The following NOX4 variants were observed in gnomAD, a reference collection of about 807,000 sequenced individuals.
NOX4 encodes kidney oxidase-1.
A neutral mutation model predicts 87.6 loss-of-function variants in NOX4; 69 were observed. The observed-to-expected ratio is 0.79, with a 90% CI of 0.65 to 0.96. The LOEUF (loss-of-function observed/expected upper bound fraction) is 0.96, where lower values mean the gene tolerates loss of function less well. NOX4 is among the 40% of genes least tolerant of loss of function. The pLI, the probability that NOX4 is intolerant of heterozygous loss-of-function variation, is 0.00. For synonymous variants in NOX4, 275 were observed against 238.2 expected (o/e 1.15, Z -1.42); for missense variants, 680 against 681.5 (o/e 1.00, Z 0.02).
At chr11:89,423,645 T>C (rs1015145217) in intron 7 of NOX4, among the ~76,000 whole-genome samples, 2 of 152,114 alleles carry the variant, frequency 1.3e-5, no homozygotes, top group Admixed American at 1.3e-4. Flanking sequence ...TTTTGAAATA[T>C]GTACTTGGAT....
At chr11:89,476,896 A>AT (rs1461467016) in intron 2 of NOX4, among the ~76,000 whole-genome samples, 1 of 152,224 alleles carries the variant, frequency 6.6e-6, no homozygotes. Context: ...ATCCAATGCC[A>AT]TTTTTGTGAA....
chr11:89,367,954 A>G (rs186677127), intron 12 of NOX4, among the ~76,000 whole-genome samples: 1 of 152,042 alleles, frequency 6.6e-6, no homozygotes, highest in South Asian at 2.1e-4. Flanking sequence ...AGTTCTATAT[A>G]TCTCTAACAC....
At chr11:89,427,313 C>A (rs185984988) in intron 7 of NOX4, among the ~76,000 whole-genome samples, 1 of 152,084 alleles carries the variant, frequency 6.6e-6, no homozygotes, top group African/African-American at 2.4e-5. Flanking sequence ...AAAATCAGAG[C>A]GCCTCTCCCC....
At chr11:89,582,534 TG>T in the NOX4 span, among the ~76,000 whole-genome samples, 13 of 152,090 alleles carry the variant, frequency 8.5e-5, no homozygotes, top group African/African-American at 2.9e-4. Context: ...CCACAAAACT[TG>T]TCTTTGAACT....
intron 17 of NOX4, among the ~76,000 whole-genome samples, chr11:89,334,400 A>G (rs1945610991): frequency 6.6e-6 from 1 of 151,774 alleles, no homozygotes; most frequent in Non-Finnish European, 1.5e-5. Flanking sequence ...CATCAAGGGA[A>G]GGGTAATACT....
chr11:89,491,140 A>G, intron 1 of NOX4, 50 bp downstream of exon 1: 10 of 1,563,352 alleles, frequency 6.4e-6, no homozygotes, highest in Non-Finnish European at 8.8e-6. Context: ...ATGAATCAAA[A>G]TCACTGCAGG....
intron 4 of NOX4, among the ~76,000 whole-genome samples, chr11:89,446,074 C>T (rs1030335981): frequency 6.6e-6 from 1 of 152,028 alleles, no homozygotes; most frequent in Admixed American, 6.6e-5. Context: ...AGATACCTCA[C>T]CAAAGAAGAT....
At chr11:89,525,383 G>C in the NOX4 span, among the ~76,000 whole-genome samples, 1 of 151,784 alleles carries the variant, frequency 6.6e-6, no homozygotes, top group African/African-American at 2.4e-5. Context: ...TCAATATTTG[G>C]TATTATTATT....
intron 8 of NOX4, among the ~76,000 whole-genome samples, chr11:89,414,912 C>G (rs1206650287): frequency 6.6e-6 from 1 of 151,700 alleles, no homozygotes; most frequent in Non-Finnish European, 1.5e-5. Context: ...TAGATTTTTA[C>G]AATACATAAA....
At chr11:89,547,680 T>G in the NOX4 span, among the ~76,000 whole-genome samples, 7 of 152,118 alleles carry the variant, frequency 4.6e-5, no homozygotes, top group Non-Finnish European at 1.5e-5. Context: ...CACAGTAGAA[T>G]CAATTGAGCA....
chr11:89,432,388 T>G (rs1358539983), intron 7 of NOX4, among the ~76,000 whole-genome samples: 1 of 151,844 alleles, frequency 6.6e-6, no homozygotes, highest in Non-Finnish European at 1.5e-5. Context: ...ATCACAATGT[T>G]AAATCTTAAA....
chr11:89,358,861 G>A (rs1473315311), intron 12 of NOX4, among the ~76,000 whole-genome samples: 1 of 151,830 alleles, frequency 6.6e-6, no homozygotes, highest in Non-Finnish European at 1.5e-5. Context: ...TTAAGAAAAT[G>A]GCACAGTTAT....
chr11:89,567,773 A>C, the NOX4 span, among the ~76,000 whole-genome samples: 4 of 152,298 alleles, frequency 2.6e-5, no homozygotes, highest in South Asian at 2.1e-4. Flanking sequence ...CACAGCCAAA[A>C]CATATCACCC....
Position 89,385,515 on chromosome 11 carries a change from A to G in NOX4, c.1075-12023T>C, listed in dbSNP as rs142687204. ...GTTCTTGGACCAAGGATCTCCTTCCAGCCTCATAGGCTCATTCTATTCTGT... is the reference window on the plus strand; with the variant it reads ...GTTCTTGGACCAAGGATCTCCTTCCGGCCTCATAGGCTCATTCTATTCTGT... On this transcript the variant is annotated intron_variant, in intron 11 of 17. Transcript: ENST00000263317. Among the ~76,000 whole-genome samples the G allele has an allele frequency of 5.9e-5, 9 of 152,336 alleles. No homozygotes were observed. In the East Asian group the frequency reaches 1.7e-3, roughly 29 times the overall value.
chr11:89,531,664 G>T, the NOX4 span, among the ~76,000 whole-genome samples: 1 of 152,182 alleles, frequency 6.6e-6, no homozygotes, highest in Non-Finnish European at 1.5e-5. Flanking sequence ...GTTTATGGCA[G>T]TTCCCCGCTC....
At chr11:89,346,174 C>T (rs1946207165) in intron 13 of NOX4, among the ~76,000 whole-genome samples, 2 of 151,968 alleles carry the variant, frequency 1.3e-5, no homozygotes, top group African/African-American at 4.8e-5. Flanking sequence ...CTCAAGCCCA[C>T]TTACAATAAT....
chr11:89,380,652 C>T (rs1292515939), intron 11 of NOX4, among the ~76,000 whole-genome samples: 2 of 152,156 alleles, frequency 1.3e-5, no homozygotes, highest in Non-Finnish European at 2.9e-5. Context: ...TCATACTTAT[C>T]ATGTAGACTC....
chr11:89,462,102 C>T (rs569850584), intron 2 of NOX4, among the ~76,000 whole-genome samples: 3 of 151,554 alleles, frequency 2.0e-5, no homozygotes, highest in East Asian at 1.9e-4. Flanking sequence ...TTTTTAAAAA[C>T]ATATTTTAAA....
At chr11:89,425,545 T>C (rs1303848069) in intron 7 of NOX4, among the ~76,000 whole-genome samples, 2 of 152,064 alleles carry the variant, frequency 1.3e-5, no homozygotes, top group African/African-American at 4.8e-5. Context: ...TTTATTAACG[T>C]AAAAATGTTC....
Sources: allele counts gnomAD v4.1 joint callset (sites outside exome capture counted in the v4.1 genomes callset), GRCh38; gene constraint gnomAD v4.1.1; transcripts MANE v1.5; gene names NCBI Gene and HGNC (gene_info 2026-07-23, HGNC 2026-07-21).